EPAS1: variants seen among roughly 807,000 people sequenced by gnomAD.
EPAS1 encodes endothelial PAS domain-containing protein 1.
A neutral mutation model predicts 87.9 loss-of-function variants in EPAS1; 23 were observed. The observed-to-expected ratio is 0.26, with a 90% CI of 0.19 to 0.37. EPAS1 has a LOEUF of 0.37. Among genes scored for constraint, EPAS1 ranks in the 10% least tolerant of loss-of-function variants. EPAS1 has a pLI of 1.00. For synonymous variants in EPAS1, 508 were observed against 444.3 expected, an observed-to-expected ratio of 1.14 and a Z score of -1.80; for missense variants, 1,138 against 1,120.7, an observed-to-expected ratio of 1.02 and a Z score of -0.22.
At chr2:46,370,859 C>A (rs1297813019) in intron 7 of EPAS1, among the ~76,000 whole-genome samples, 2 of 152,138 alleles carry the variant, frequency 1.3e-5, no homozygotes, top group African/African-American at 4.8e-5. Flanking sequence ...TGTGCAAGGG[C>A]TCTGGGCCTA....
intron 4 of EPAS1, among the ~76,000 whole-genome samples, chr2:46,359,447 T>A (rs921892847): frequency 6.6e-6 from 1 of 151,942 alleles, no homozygotes; most frequent in African/African-American, 2.4e-5. Context: ...TCTCATTGTA[T>A]GCTAACCCCA....
intron 6 of EPAS1, among the ~76,000 whole-genome samples, chr2:46,369,034 T>C (rs529659374): frequency 1.8e-4 from 27 of 152,314 alleles, no homozygotes; most frequent in East Asian, 3.9e-4. Flanking sequence ...CAAAACCAGA[T>C]ACCTTACAGA....
rs1684622460 is a variant in EPAS1, at chr2:46,371,281, C to G, written c.886+1348C>G. Among the ~76,000 whole-genome samples the G allele has an allele frequency of 6.6e-6, 1 of 152,202 alleles. No individual in the cohort carries two copies. The highest frequency in any genetic ancestry group is 1.5e-5 in the Non-Finnish European group (1 of 68,042). On this transcript the variant is annotated intron_variant, in intron 7 of 15. Coordinates refer to ENST00000263734, the MANE Select transcript of EPAS1 (RefSeq NM_001430.5). This position sits in a 1 kb window ranked among gnomAD's most constrained non-coding sequence, Gnocchi z 4.3. ...GCTAAGACAGCCAAGTTCAGTGCAGCCAGCAGAGTCACAACCCCGCAAGCT... is the reference window on the plus strand; with the variant it reads ...GCTAAGACAGCCAAGTTCAGTGCAGGCAGCAGAGTCACAACCCCGCAAGCT...
intron 6 of EPAS1, among the ~76,000 whole-genome samples, chr2:46,366,068 C>T (rs1433532786): frequency 6.7e-6 from 1 of 150,354 alleles, no homozygotes; most frequent in East Asian, 2.0e-4. Flanking sequence ...GGGGTAAAAA[C>T]TGCAGCCAGA....
chr2:46,360,378 C>G lies in EPAS1; in HGVS notation c.455-260C>G, dbSNP rs532881121. ...GGCACCACTGACCATGTTCCAGATG[C>G]AATGGGAAATCAAATGATGGAGCAG... On this transcript the variant is annotated intron_variant, in intron 4 of 15. Coordinates refer to ENST00000263734, the MANE Select transcript of EPAS1 (RefSeq NM_001430.5). This position sits in a 1 kb window ranked among gnomAD's most constrained non-coding sequence, Gnocchi z 4.5. 6.6e-6 allele frequency among the ~76,000 whole-genome samples: 1 copy of G among 152,288 alleles called. No homozygotes were observed. Among genetic ancestry groups the G allele is most frequent in the South Asian group, 2.1e-4 (1 of 4,820 alleles).
chr2:46,384,673 A>T lies in EPAS1; in HGVS notation c.*13A>T. ...CCAGGCCACCTGAGCCAGGCCTTCT[A>T]CCTGGGCAGCACCTCTGCCGACGCC... On this transcript the variant is annotated 3_prime_UTR_variant, in exon 16 of 16. Coordinates refer to ENST00000263734, the MANE Select transcript of EPAS1 (RefSeq NM_001430.5). 6.2e-7 allele frequency: 1 copy of T among 1,612,940 alleles called. No individual in the cohort carries two copies. The highest frequency in any genetic ancestry group is 8.5e-7 in the Non-Finnish European group (1 of 1,179,884).
At chr2:46,376,374 A>G (rs114474908) in intron 8 of EPAS1, among the ~76,000 whole-genome samples, 165 bp from the exon 9 acceptor site, 1,567 of 152,248 alleles carry the variant, frequency 0.01, 24 homozygotes, top group African/African-American at 0.036. Context: ...CACTACCTCC[A>G]TGGCTCACAC....
chr2:46,382,434 C>T lies in EPAS1; in HGVS notation c.2297C>T (p.Thr766Ile), dbSNP rs146164542. The T allele has an allele frequency of 6.0e-5, 97 of 1,614,110 alleles. No homozygotes were observed. In the African/African-American group the frequency reaches 1.1e-3, roughly 18 times the overall value. ...GACTTTGGTCTTTCAGATAAGTTCA[C>T]CCAAAACCCCATGAGGGGCCTGGGC... ...LSANVPNDKF[T>I]QNPMRGLGHP... The change falls in exon 15 of 16, where the codon ACC (threonine) becomes ATC (isoleucine). Residue 766 changes from threonine (T) to isoleucine (I), a missense_variant. Coordinates refer to ENST00000263734, the MANE Select transcript of EPAS1 (RefSeq NM_001430.5).
intron 7 of EPAS1, among the ~76,000 whole-genome samples, chr2:46,373,678 G>A (rs116511455): frequency 0.013 from 2,028 of 152,220 alleles, 23 homozygotes; most frequent in Non-Finnish European, 0.021. Context: ...TGGTGGGGGC[G>A]GTGATGGAAA....
In EPAS1 at chr2:46,360,790, G is replaced by T. The variant is rs1684369201; in HGVS notation, c.573+34G>T. 2 of 1,613,270 alleles carry T rather than the reference G, an allele frequency of 1.2e-6. No individual in the cohort carries two copies. The highest frequency in any genetic ancestry group is 2.2e-5 in the East Asian group (1 of 44,890). On this transcript the variant is annotated intron_variant, in intron 5 of 15. Coordinates refer to ENST00000263734, the MANE Select transcript of EPAS1 (RefSeq NM_001430.5). This position sits in a 1 kb window ranked among gnomAD's most constrained non-coding sequence, Gnocchi z 4.5. ...ACATCAGGCCTGGGTTGGAGTCCCA[G>T]GTGTAGGGTAACGGCGGTGCAGGGG...
chr2:46,380,321 G>A lies in EPAS1; in HGVS notation c.1649G>A (p.Arg550Gln), dbSNP rs772885274. Residue 550 changes from arginine (R) to glutamine (Q), a missense_variant, in exon 12 of 16, where the codon CGG becomes CAG. Around this residue, in one of 4 missense-constraint regions of EPAS1, gnomAD observed 502 missense variants for 427.1 expected, o/e 1.18. Transcript: ENST00000263734. This position sits in a 1 kb window ranked among gnomAD's most constrained non-coding sequence, Gnocchi z 4.4. ...FQLSPICPEE[R>Q]LLAENPQSTP... ...CTAAGCCCCATCTGCCCCGAGGAGC[G>A]GCTCTTGGCGGAGAACCCACAGTCC... 79 of 1,613,920 alleles carry A rather than the reference G, an allele frequency of 4.9e-5. 1 individual carries two copies. The South Asian group carries it at 5.3e-4, about 11-fold the overall frequency.
intron 1 of EPAS1, among the ~76,000 whole-genome samples, chr2:46,320,314 T>C (rs1341024067): frequency 6.6e-6 from 1 of 152,176 alleles, no homozygotes; most frequent in Admixed American, 6.5e-5. Flanking sequence ...TGTGTACACA[T>C]TTAGGGAGTG....
chr2:46,378,098 C>A lies in EPAS1; in HGVS notation c.1443+11C>A. ...AGCAGCTGCTCCACGGTGAGCAGCCCTCTTATGGCGAGGACACAGAGAGGG... is the reference window on the plus strand; with the variant it reads ...AGCAGCTGCTCCACGGTGAGCAGCCATCTTATGGCGAGGACACAGAGAGGG... On this transcript the variant is annotated intron_variant, in intron 10 of 15. Transcript: ENST00000263734. 1 of 1,591,148 alleles carries A rather than the reference C, an allele frequency of 6.3e-7. No individual in the cohort carries two copies. Among genetic ancestry groups the A allele is most frequent in the East Asian group, 2.3e-5 (1 of 43,932 alleles).
intron 1 of EPAS1, among the ~76,000 whole-genome samples, chr2:46,332,291 C>CGTGTGTGTGT (rs57893491): frequency 1.7e-4 from 19 of 110,818 alleles, no homozygotes; most frequent in East Asian, 1.0e-3. Flanking sequence ...AAAAAAAATA[C>CGTGTGTGTGT]GTGTGTGTGT....
At chr2:46,381,075 C>G (rs1684879038) in intron 12 of EPAS1, 1 of 369,920 alleles carries the variant, frequency 2.7e-6, no homozygotes, top group Admixed American at 4.1e-5. Flanking sequence ...CAAAAAGATA[C>G]CCCTGCCTCC....
At chr2:46,351,862 C>T (rs1185711575) in intron 2 of EPAS1, among the ~76,000 whole-genome samples, 1 of 152,216 alleles carries the variant, frequency 6.6e-6, no homozygotes, top group East Asian at 1.9e-4. Context: ...TGCTCTGCCA[C>T]TCTGCCTGCT....
At chr2:46,377,707 A>G (rs1684787721) in intron 9 of EPAS1, among the ~76,000 whole-genome samples, 187 bp from the exon 10 acceptor site, 1 of 152,150 alleles carries the variant, frequency 6.6e-6, no homozygotes, top group Admixed American at 6.5e-5. Context: ...GGGAGTCTCT[A>G]CGTTGACTCA....
chr2:46,324,567 G>A (rs375227978), intron 1 of EPAS1, among the ~76,000 whole-genome samples: 64 of 152,358 alleles, frequency 4.2e-4, no homozygotes, highest in African/African-American at 1.5e-3. Context: ...CCAAGACACA[G>A]TTAAAGGGAG....
At position 46,356,134 on chromosome 2, in the gene EPAS1, C is replaced by CA. The variant is rs756784723; in HGVS notation, c.218-17_218-16insA. ...CTCCACATTCATGCAAGCTGTCCCA[C>CA]CCCCCCCCCTTTCCAGTTTGCTCTG... is the stretch of plus-strand genomic sequence containing the variant. On this transcript the variant is annotated splice_polypyrimidine_tract_variant and intron_variant, in intron 2 of 15. Coordinates refer to ENST00000263734, the MANE Select transcript of EPAS1 (RefSeq NM_001430.5). 4.4e-6 allele frequency: 4 copies of CA among 899,796 alleles called. No homozygotes were observed. The highest frequency in any genetic ancestry group is 4.8e-6 in the Non-Finnish European group (3 of 628,774). 55.7% of individuals were successfully genotyped at this position (899,796 alleles called of 1,614,324 possible). A position where few individuals can be genotyped will look rare whatever the true frequency, so the allele number is the denominator to read the frequency against.
Sources: allele counts gnomAD v4.1 joint callset (sites outside exome capture counted in the v4.1 genomes callset), GRCh38; gene constraint gnomAD v4.1.1; regional missense constraint gnomAD v4.1.1; non-coding constraint Gnocchi (gnomAD v3.1); transcripts MANE v1.5; gene names NCBI Gene and HGNC (gene_info 2026-07-23, HGNC 2026-07-21).